Variants in RNLS observed in about 807,000 individuals in gnomAD.
RNLS encodes the protein renalase, FAD dependent amine oxidase.
RNLS carries 39 observed loss-of-function variants against 39.8 expected under a neutral mutation model. The ratio of observed to expected loss-of-function variants is 0.98; its 90% CI spans 0.76 to 1.28. RNLS has a LOEUF of 1.28. Ranked by LOEUF, RNLS falls within the 50% of genes most tolerant of loss-of-function variation. The probability of loss-of-function intolerance (pLI) is 0.00; values close to 1 mark genes in which losing one functional copy is unlikely to be tolerated. For missense variants in RNLS, 410 were observed against 413.3 expected, an observed-to-expected ratio of 0.99 and a Z score of 0.07; for synonymous variants, 147 against 150.7, an observed-to-expected ratio of 0.98 and a Z score of 0.18.
At chr10:88,528,443 G>C (rs1428120104) in intron 4 of RNLS, among the ~76,000 whole-genome samples, 1 of 152,150 alleles carries the variant, frequency 6.6e-6, no homozygotes, top group Non-Finnish European at 1.5e-5. Context: ...AAGAAAGCAG[G>C]AAACAGGATA....
the RNLS span, among the ~76,000 whole-genome samples, chr10:88,257,316 C>T: frequency 3.9e-5 from 6 of 152,130 alleles, no homozygotes; most frequent in African/African-American, 9.7e-5. Context: ...AGACTCTTAC[C>T]ATGTCAGGAG....
intron 4 of RNLS, among the ~76,000 whole-genome samples, chr10:88,519,731 A>T (rs1445556037): frequency 6.6e-6 from 1 of 150,754 alleles, no homozygotes; most frequent in Non-Finnish European, 1.5e-5. Context: ...TATGATATAT[A>T]TCACATATAT....
the RNLS span, among the ~76,000 whole-genome samples, chr10:88,209,192 A>G: frequency 6.6e-6 from 1 of 152,114 alleles, no homozygotes; most frequent in South Asian, 2.1e-4. Context: ...GATTTTGGGG[A>G]CTGTTCTGGG....
At chr10:88,379,760 C>T (rs1255656216) in intron 4 of RNLS, among the ~76,000 whole-genome samples, 1 of 152,188 alleles carries the variant, frequency 6.6e-6, no homozygotes, top group Non-Finnish European at 1.5e-5. Flanking sequence ...AAAGATGATA[C>T]AACTTATGGC....
chr10:88,309,326 A>G (rs139760402), intron 6 of RNLS: 12 of 1,065,308 alleles, frequency 1.1e-5, no homozygotes, highest in Non-Finnish European at 1.5e-5. Context: ...AAAGCAAGAA[A>G]AAATTAAAAT....
At chr10:88,579,447 G>T (rs1257624067) in intron 3 of RNLS, among the ~76,000 whole-genome samples, 2 of 152,150 alleles carry the variant, frequency 1.3e-5, no homozygotes, top group African/African-American at 2.4e-5. Flanking sequence ...CTTGGGAAAA[G>T]AGATTCTATT....
chr10:88,521,902 A>T (rs1487505779), intron 4 of RNLS, among the ~76,000 whole-genome samples: 1 of 152,034 alleles, frequency 6.6e-6, no homozygotes, highest in Non-Finnish European at 1.5e-5. Context: ...ATAAGTGAAC[A>T]TTAGAAGGCC....
chr10:88,311,803 A>T (rs1033421859), intron 6 of RNLS, among the ~76,000 whole-genome samples: 4 of 152,166 alleles, frequency 2.6e-5, no homozygotes, highest in African/African-American at 9.7e-5. Flanking sequence ...TTTTTACCCC[A>T]CTGTTGCAAT....
chr10:88,548,382 G>T (rs555097052), intron 4 of RNLS, among the ~76,000 whole-genome samples: 2 of 148,732 alleles, frequency 1.3e-5, no homozygotes, highest in East Asian at 3.9e-4. Context: ...CAGTTTTCCT[G>T]TAATCCCAGC....
chr10:88,471,694 C>T (rs990493464), intron 4 of RNLS, among the ~76,000 whole-genome samples: 7 of 152,044 alleles, frequency 4.6e-5, no homozygotes, highest in Non-Finnish European at 8.8e-5. Flanking sequence ...TTAAAATTAG[C>T]AAAGGAAAGG....
chr10:88,398,343 G>T (rs1852696131), intron 4 of RNLS, among the ~76,000 whole-genome samples: 1 of 152,040 alleles, frequency 6.6e-6, no homozygotes, highest in Admixed American at 6.6e-5. Context: ...CATAGGGGAA[G>T]TCCCTAGTTG....
the RNLS span, among the ~76,000 whole-genome samples, chr10:88,234,001 A>G: frequency 1.3e-5 from 2 of 149,552 alleles, no homozygotes; most frequent in Non-Finnish European, 3.0e-5. Context: ...TGTATTTAAT[A>G]AAGAGCAGCC....
At chr10:88,346,998 G>C (rs1691530788) in intron 5 of RNLS, among the ~76,000 whole-genome samples, 1 of 152,154 alleles carries the variant, frequency 6.6e-6, no homozygotes. Flanking sequence ...CTAGGCAAAG[G>C]AATGATCCCA....
At chr10:88,187,956 G>A in the RNLS span, among the ~76,000 whole-genome samples, 24 of 152,308 alleles carry the variant, frequency 1.6e-4, no homozygotes, top group East Asian at 4.2e-3. Flanking sequence ...CATTAAATCT[G>A]CATAAAACAA....
intron 4 of RNLS, among the ~76,000 whole-genome samples, chr10:88,567,906 A>C (rs1820496965): frequency 6.6e-6 from 1 of 152,198 alleles, no homozygotes; most frequent in Non-Finnish European, 1.5e-5. Context: ...TTTCTCTATC[A>C]AAACCAAGGT....
At chr10:88,448,866 T>C (rs1267594025) in intron 4 of RNLS, among the ~76,000 whole-genome samples, 1 of 152,192 alleles carries the variant, frequency 6.6e-6, no homozygotes, top group African/African-American at 2.4e-5. Context: ...TGGATGAAGC[T>C]GGAAACCATC....
intron 5 of RNLS, among the ~76,000 whole-genome samples, chr10:88,349,585 G>A (rs921803084): frequency 4.6e-5 from 7 of 152,118 alleles, no homozygotes; most frequent in Non-Finnish European, 7.4e-5. Flanking sequence ...TTATAGGCAT[G>A]AGCAAGTGAA....
chr10:88,338,496 C>G (rs745581315), intron 5 of RNLS, among the ~76,000 whole-genome samples: 1 of 152,222 alleles, frequency 6.6e-6, no homozygotes, highest in Non-Finnish European at 1.5e-5. Context: ...CATGGAAAGT[C>G]ATGTGTAACT....
chr10:88,227,530 G>T, the RNLS span, among the ~76,000 whole-genome samples: 9 of 152,294 alleles, frequency 5.9e-5, no homozygotes, highest in Admixed American at 1.3e-4. Flanking sequence ...TTCACCACGA[G>T]TGCACTCACA....
Sources: allele counts gnomAD v4.1 joint callset (sites outside exome capture counted in the v4.1 genomes callset), GRCh38; gene constraint gnomAD v4.1.1; transcripts MANE v1.5; gene names NCBI Gene and HGNC (gene_info 2026-07-23, HGNC 2026-07-21).